Variants in P2RY8 observed in about 807,000 individuals in gnomAD.
P2RY8 encodes S-geranylgeranyl-glutathione receptor P2RY8.
P2RY8 carries 6 observed loss-of-function variants against 10.0 expected under a neutral mutation model. That is an observed-to-expected ratio of 0.60 (90% confidence interval 0.33 to 1.19). The LOEUF is 1.19. P2RY8 is among the 50% of genes most tolerant of loss of function. P2RY8 has a pLI of 0.04. For missense variants in P2RY8, 456 were observed against 542.0 expected (o/e 0.84, Z 1.58); for synonymous variants, 276 against 252.5 (o/e 1.09, Z -0.88).
intron 1 of P2RY8, among the ~76,000 whole-genome samples, chrX:1,518,473 A>G (rs1333347886): frequency 2.0e-5 from 3 of 148,924 alleles, no homozygotes; most frequent in Non-Finnish European, 4.5e-5. Flanking sequence ...AATATTTAAT[A>G]TATATAATAA....
At chrX:1,497,729 C>G (rs1464350210) in intron 1 of P2RY8, among the ~76,000 whole-genome samples, 1 of 152,094 alleles carries the variant, frequency 6.6e-6, no homozygotes, top group Non-Finnish European at 1.5e-5. Flanking sequence ...CGCCTGGCAT[C>G]TCCAAGAAGG....
chrX:1,462,748 T>C lies in P2RY8; in HGVS notation c.*2731A>G, dbSNP rs1205767545. 1 of 233,078 alleles carries C rather than the reference T, an allele frequency of 4.3e-6. No individual in the cohort carries two copies. Among genetic ancestry groups the C allele is most frequent in the Non-Finnish European group, 8.5e-6 (1 of 118,018 alleles). 14.4% of individuals were successfully genotyped at this position (233,078 alleles called of 1,614,324 possible). On this transcript the variant is annotated 3_prime_UTR_variant, in exon 2 of 2. Coordinates refer to ENST00000381297, the MANE Select transcript of P2RY8 (RefSeq NM_178129.5). ...ACCGGCATGAGCTGCCACGCCTTGA[T>C]GGAGGCTGAGACTTTTTGGAATCCC...
In P2RY8 at chrX:1,464,198, G is replaced by T; in HGVS notation, c.*1281C>A. ...TCCCACCTCCAGAATGGTCTTTCTC[G>T]CCCAAGAGAGCCTGGGATCCAATTC... On this transcript the variant is annotated 3_prime_UTR_variant, in exon 2 of 2. Transcript: ENST00000381297. 2 of 233,390 alleles carry T rather than the reference G, an allele frequency of 8.6e-6. No homozygotes were observed. The highest frequency in any genetic ancestry group is 1.7e-5 in the Non-Finnish European group (2 of 118,098). 14.5% of individuals were successfully genotyped at this position (233,390 alleles called of 1,614,324 possible).
At chrX:1,529,524 G>A (rs1332242936) in intron 1 of P2RY8, among the ~76,000 whole-genome samples, 2 of 152,022 alleles carry the variant, frequency 1.3e-5, no homozygotes, top group East Asian at 3.9e-4. Flanking sequence ...GGGCGTGGTG[G>A]GTGGAGCCTG....
At chrX:1,468,117 C>A (rs1449903926) in intron 1 of P2RY8, among the ~76,000 whole-genome samples, 4 of 143,016 alleles carry the variant, frequency 2.8e-5, no homozygotes, top group Non-Finnish European at 4.6e-5. Flanking sequence ...TTTTTATTTT[C>A]TGTAGACATG....
intron 1 of P2RY8, among the ~76,000 whole-genome samples, chrX:1,533,659 A>G (rs1258962615): frequency 1.6e-5 from 2 of 126,980 alleles, no homozygotes; most frequent in Admixed American, 1.7e-4. Flanking sequence ...TTACATATTT[A>G]TTATTTAAAT....
intron 1 of P2RY8, among the ~76,000 whole-genome samples, chrX:1,494,602 T>C (rs1362496815): frequency 6.6e-6 from 1 of 152,190 alleles, no homozygotes; most frequent in Admixed American, 6.6e-5. Context: ...AGTTTAGGAT[T>C]AGAAAATGGG....
chrX:1,472,937 T>G, intron 1 of P2RY8, among the ~76,000 whole-genome samples: 1 of 89,606 alleles, frequency 1.1e-5, no homozygotes, highest in Admixed American at 1.5e-4. Flanking sequence ...GATGGGCGGG[T>G]GAGTGGATGA....
rs143558659 is a variant in P2RY8, at chrX:1,518,933, A to G, written c.-25+17988T>C. On this transcript the variant is annotated intron_variant, in intron 1 of 1. Transcript: ENST00000381297. ...TCCCCAATCATCTCCTTGGCCCCCA[A>G]TAATCTTCCTGCCCCCAGTAATCTC... Among the ~76,000 whole-genome samples the G allele has an allele frequency of 4.4e-4, 67 of 151,832 alleles. No homozygotes were observed. In the East Asian group the frequency reaches 8.7e-3, roughly 20 times the overall value.
At chrX:1,506,215 A>T (rs1401070285) in intron 1 of P2RY8, among the ~76,000 whole-genome samples, 1 of 151,532 alleles carries the variant, frequency 6.6e-6, no homozygotes, top group Non-Finnish European at 1.5e-5. Flanking sequence ...CTGGTCTCGA[A>T]CTCCTGACCT....
chrX:1,493,386 A>C (rs2092076957), intron 1 of P2RY8, among the ~76,000 whole-genome samples: 1 of 27,842 alleles, frequency 3.6e-5, no homozygotes, highest in African/African-American at 1.1e-4. Flanking sequence ...AGGAGGAAGG[A>C]GGGAGGGAGG....
At chrX:1,524,582 C>CATTCATCCATCT (rs2092420852) in intron 1 of P2RY8, among the ~76,000 whole-genome samples, 1 of 145,278 alleles carries the variant, frequency 6.9e-6, no homozygotes, top group Non-Finnish European at 1.5e-5. Context: ...TCCATCCATC[C>CATTCATCCATCT]ATCCATCCAT....
chrX:1,523,893 G>T (rs1409409586), intron 1 of P2RY8, among the ~76,000 whole-genome samples: 7 of 152,130 alleles, frequency 4.6e-5, no homozygotes, highest in Non-Finnish European at 1.0e-4. Flanking sequence ...AAAAAACCCT[G>T]TTGGCCAGGC....
At position 1,478,273 on chromosome X, in the gene P2RY8, G is replaced by GTGTGTGTGCA. The variant is rs539376483; in HGVS notation, c.-24-11692_-24-11691insTGCACACACA. ...TATGTGTGTGTGTGTGTGTGTGTGT[G>GTGTGTGTGCA]CCCAGCAGGGAAGCAGAAATTATTA... On this transcript the variant is annotated intron_variant, in intron 1 of 1. Transcript: ENST00000381297. Among the ~76,000 whole-genome samples the GTGTGTGTGCA allele has an allele frequency of 1.7e-3, 233 of 133,638 alleles. 2 individuals are homozygous for GTGTGTGTGCA. The highest frequency in any genetic ancestry group is 3.7e-3 in the Middle Eastern group (1 of 268). 87.7% of individuals were successfully genotyped at this position (133,638 alleles called of 152,430 possible). A position where few individuals can be genotyped will look rare whatever the true frequency, so the allele number is the denominator to read the frequency against.
rs1243336482 is a variant in P2RY8, at chrX:1,502,412, G to A, written c.-25+34509C>T. 3.3e-5 allele frequency among the ~76,000 whole-genome samples: 5 copies of A among 152,230 alleles called. 1 individual carries two copies. In the East Asian group the frequency reaches 9.6e-4, roughly 29 times the overall value. The stretch of plus-strand genomic sequence containing the variant: ...AGTGAGTGTTGGTGACACTCAGCCA[G>A]GGACAGGACCCCGCTGCGAGCCAGG... On this transcript the variant is annotated intron_variant, in intron 1 of 1. Coordinates refer to ENST00000381297, the MANE Select transcript of P2RY8 (RefSeq NM_178129.5).
At chrX:1,513,092 A>G (rs1282040333) in intron 1 of P2RY8, among the ~76,000 whole-genome samples, 2 of 143,188 alleles carry the variant, frequency 1.4e-5, no homozygotes, top group Admixed American at 7.0e-5. Context: ...TCATTGTTCA[A>G]CTCCCACTTA....
At chrX:1,482,697 TAG>T (rs767109711) in intron 1 of P2RY8, among the ~76,000 whole-genome samples, 148,318 of 152,092 alleles carry the variant, frequency 0.98, 72,355 homozygotes, top group East Asian at 1. Context: ...AACATATGGC[TAG>T]TCAGTTTTCC....
intron 1 of P2RY8, among the ~76,000 whole-genome samples, chrX:1,526,761 TCATC>T (rs1218753546): frequency 5.3e-5 from 8 of 152,172 alleles, no homozygotes. Context: ...ATTTACTTAC[TCATC>T]CATCCATTAA....
chrX:1,531,425 G>A (rs2092474787), intron 1 of P2RY8, among the ~76,000 whole-genome samples: 2 of 152,088 alleles, frequency 1.3e-5, no homozygotes, highest in South Asian at 2.1e-4. Context: ...CTGCTTACAG[G>A]GTCCCCCGTA....
Sources: allele counts gnomAD v4.1 joint callset (sites outside exome capture counted in the v4.1 genomes callset), GRCh38; gene constraint gnomAD v4.1.1; transcripts MANE v1.5; gene names NCBI Gene and HGNC (gene_info 2026-07-23, HGNC 2026-07-21).